Variants in CCSER1 observed in about 807,000 individuals in gnomAD.
The protein encoded by CCSER1 is coiled-coil serine rich protein 1, also known as serine-rich coiled-coil domain-containing protein 1.
Under a neutral mutation model 82.0 loss-of-function variants are expected in CCSER1, and 41 were observed. That is an observed-to-expected ratio of 0.50 (90% CI 0.39 to 0.65). The LOEUF is 0.65. CCSER1 is among the 30% of genes least tolerant of loss of function. The pLI is 0.00. For synonymous variants in CCSER1, 414 were observed against 383.9 expected, an observed-to-expected ratio of 1.08 and a Z score of -0.92; for missense variants, 1,119 against 1,064.2, an observed-to-expected ratio of 1.05 and a Z score of -0.72.
intron 10 of CCSER1, among the ~76,000 whole-genome samples, chr4:91,229,422 T>G (rs1218839875): frequency 6.6e-6 from 1 of 151,830 alleles, no homozygotes; most frequent in Non-Finnish European, 1.5e-5. Context: ...GGATAAAAAA[T>G]TATGTTAGTC....
chr4:91,014,942 A>C, intron 9 of CCSER1, among the ~76,000 whole-genome samples: 2 of 152,162 alleles, frequency 1.3e-5, no homozygotes, highest in Middle Eastern at 3.2e-3. Context: ...CCCATAGTTT[A>C]TTACAGTGGA....
intron 1 of CCSER1, among the ~76,000 whole-genome samples, chr4:90,150,278 A>T (rs1215714548): frequency 6.6e-6 from 1 of 152,156 alleles, no homozygotes; most frequent in Non-Finnish European, 1.5e-5. Context: ...TGAGTAAAAT[A>T]TCATTATTAG....
chr4:90,568,857 T>C (rs995473738), intron 5 of CCSER1, among the ~76,000 whole-genome samples: 3 of 151,432 alleles, frequency 2.0e-5, no homozygotes, highest in Admixed American at 2.0e-4. Context: ...AACCTCTGTC[T>C]CCTGGGATCA....
At chr4:91,006,317 A>G (rs1358065277) in intron 9 of CCSER1, among the ~76,000 whole-genome samples, 2 of 151,862 alleles carry the variant, frequency 1.3e-5, no homozygotes, top group Non-Finnish European at 2.9e-5. Context: ...ATATAGATAC[A>G]CTACTAATTT....
At chr4:91,468,154 A>G (rs887485776) in intron 10 of CCSER1, among the ~76,000 whole-genome samples, 10 of 152,228 alleles carry the variant, frequency 6.6e-5, no homozygotes, top group African/African-American at 2.2e-4. Context: ...CATATACTCC[A>G]TGGAATACTA....
intron 6 of CCSER1, among the ~76,000 whole-genome samples, chr4:90,672,234 TC>T (rs1276962142): frequency 6.6e-6 from 1 of 151,990 alleles, no homozygotes; most frequent in Non-Finnish European, 1.5e-5. Flanking sequence ...TGACTTCTCC[TC>T]CAGAAAATCT....
intron 9 of CCSER1, among the ~76,000 whole-genome samples, chr4:90,984,360 G>A (rs140108622): frequency 1.1e-3 from 171 of 151,798 alleles, no homozygotes; most frequent in Middle Eastern, 6.8e-3. Context: ...ATAACAAATG[G>A]TATAACTTGA....
chr4:91,487,999 G>T (rs1033106224), intron 10 of CCSER1, among the ~76,000 whole-genome samples: 2 of 151,758 alleles, frequency 1.3e-5, no homozygotes, highest in African/African-American at 4.8e-5. Flanking sequence ...AATTAAATAC[G>T]ATCATTTGAA....
At chr4:90,780,468 A>G in intron 7 of CCSER1, 1 of 1,612,542 alleles carries the variant, frequency 6.2e-7, no homozygotes, top group Non-Finnish European at 8.5e-7. Flanking sequence ...AATTCTGAAA[A>G]CCTGACTAAC....
At chr4:90,155,049 AT>A (rs1727787582) in intron 1 of CCSER1, among the ~76,000 whole-genome samples, 1 of 152,156 alleles carries the variant, frequency 6.6e-6, no homozygotes, top group African/African-American at 2.4e-5. Flanking sequence ...TTTGAGATAC[AT>A]CCCATCAATA....
chr4:91,536,659 A>G (rs145749475), intron 10 of CCSER1, among the ~76,000 whole-genome samples: 270 of 152,204 alleles, frequency 1.8e-3, no homozygotes, highest in Middle Eastern at 6.8e-3. Flanking sequence ...CCGTGACCAA[A>G]GGTCTCAGTT....
chr4:91,501,539 A>T (rs1759212112), intron 10 of CCSER1, among the ~76,000 whole-genome samples: 1 of 152,006 alleles, frequency 6.6e-6, no homozygotes, highest in African/African-American at 2.4e-5. Flanking sequence ...ATATAATAGG[A>T]CAGGTATTTA....
At chr4:91,000,321 T>C (rs1737921347) in intron 9 of CCSER1, among the ~76,000 whole-genome samples, 1 of 152,120 alleles carries the variant, frequency 6.6e-6, no homozygotes, top group Non-Finnish European at 1.5e-5. Flanking sequence ...TAAGCTAATT[T>C]GTAGCCTTGT....
chr4:90,239,335 T>A (rs1054991004), intron 1 of CCSER1, among the ~76,000 whole-genome samples: 1 of 152,230 alleles, frequency 6.6e-6, no homozygotes, highest in East Asian at 1.9e-4. Flanking sequence ...AGACATATAC[T>A]GCACTTTATG....
At chr4:91,401,923 G>A (rs910233027) in intron 10 of CCSER1, among the ~76,000 whole-genome samples, 3 of 152,200 alleles carry the variant, frequency 2.0e-5, no homozygotes, top group African/African-American at 7.2e-5. Context: ...CCAGTAATGG[G>A]ATGGCTGGAT....
intron 10 of CCSER1, among the ~76,000 whole-genome samples, chr4:91,166,946 T>A (rs1042409639): frequency 6.6e-6 from 1 of 152,168 alleles, no homozygotes; most frequent in African/African-American, 2.4e-5. Flanking sequence ...CAGAGGAAAT[T>A]ATAGATATTA....
intron 2 of CCSER1, among the ~76,000 whole-genome samples, chr4:90,310,981 C>A (rs1236731914): frequency 6.6e-6 from 1 of 151,918 alleles, no homozygotes; most frequent in Non-Finnish European, 1.5e-5. Flanking sequence ...AGCTCCTTTA[C>A]CTGTAATATA....
At chr4:90,237,320 C>T (rs900892526) in intron 1 of CCSER1, among the ~76,000 whole-genome samples, 3 of 152,102 alleles carry the variant, frequency 2.0e-5, no homozygotes, top group Non-Finnish European at 4.4e-5. Flanking sequence ...CTGTCATCTG[C>T]ATTTAATGTT....
At chr4:90,420,442 A>G (rs1756511350) in intron 4 of CCSER1, among the ~76,000 whole-genome samples, 3 of 152,028 alleles carry the variant, frequency 2.0e-5, no homozygotes. Context: ...TTTGCTTGTA[A>G]TAAAGAGATG....
Sources: allele counts gnomAD v4.1 joint callset (sites outside exome capture counted in the v4.1 genomes callset), GRCh38; gene constraint gnomAD v4.1.1; transcripts MANE v1.5; gene names NCBI Gene and HGNC (gene_info 2026-07-23, HGNC 2026-07-21).